Variants in ERC2 observed in about 807,000 individuals in gnomAD.
ERC2 encodes ELKS/RAB6-interacting/CAST family member 2.
A neutral mutation model predicts 114.8 loss-of-function variants in ERC2; 42 were observed. That is an observed-to-expected ratio of 0.37 (90% confidence interval 0.29 to 0.47). ERC2 has a LOEUF of 0.47. Ranked by LOEUF, ERC2 falls within the 20% of genes least tolerant of loss-of-function variation. The probability of loss-of-function intolerance (pLI) is 0.99; values close to 1 mark genes in which losing one functional copy is unlikely to be tolerated. For missense variants in ERC2, 939 were observed against 1,150.7 expected, an observed-to-expected ratio of 0.82 and a Z score of 2.66; for synonymous variants, 454 against 425.5, an observed-to-expected ratio of 1.07 and a Z score of -0.82.
intron 3 of ERC2, among the ~76,000 whole-genome samples, chr3:56,227,944 A>C (rs1165119004): frequency 1.3e-5 from 2 of 152,220 alleles, no homozygotes; most frequent in African/African-American, 4.8e-5. Context: ...CAATAATAAA[A>C]CATAAGTTAC....
chr3:55,814,362 A>T (rs772871272), intron 14 of ERC2, among the ~76,000 whole-genome samples: 1 of 152,242 alleles, frequency 6.6e-6, no homozygotes, highest in Non-Finnish European at 1.5e-5. Flanking sequence ...AACCAAGACG[A>T]GTCAAGTTTA....
intron 2 of ERC2, among the ~76,000 whole-genome samples, chr3:56,411,864 C>G (rs890115016): frequency 3.9e-5 from 6 of 152,146 alleles, no homozygotes; most frequent in African/African-American, 1.4e-4. Flanking sequence ...CTAGCTTAAT[C>G]CTTTCTTCTC....
At chr3:56,345,771 C>T (rs527524612) in intron 2 of ERC2, among the ~76,000 whole-genome samples, 1 of 152,186 alleles carries the variant, frequency 6.6e-6, no homozygotes, top group Non-Finnish European at 1.5e-5. Flanking sequence ...CTAATCCCCA[C>T]ATGCATGCCC....
intron 12 of ERC2, among the ~76,000 whole-genome samples, chr3:55,952,116 T>C (rs1032459805): frequency 2.0e-4 from 28 of 139,272 alleles, no homozygotes; most frequent in African/African-American, 4.8e-4. Context: ...CTGTGCAACA[T>C]AGCAAGGCCC....
At chr3:55,552,203 A>C (rs942428350) in intron 17 of ERC2, among the ~76,000 whole-genome samples, 2 of 152,162 alleles carry the variant, frequency 1.3e-5, no homozygotes, top group African/African-American at 4.8e-5. Context: ...CAATTTCCAC[A>C]GTCTTAGAAA....
At chr3:56,359,666 G>A (rs773192329) in intron 2 of ERC2, among the ~76,000 whole-genome samples, 18 of 152,174 alleles carry the variant, frequency 1.2e-4, no homozygotes, top group Admixed American at 4.6e-4. Flanking sequence ...AGGTTTATTC[G>A]ACTCATGGTT....
intron 6 of ERC2, among the ~76,000 whole-genome samples, chr3:56,120,080 T>G (rs1260071008): frequency 1.3e-5 from 2 of 152,186 alleles, no homozygotes; most frequent in Non-Finnish European, 2.9e-5. Context: ...GTCTTTTGTT[T>G]GGCCTGCACA....
chr3:56,204,247 C>T (rs1271484371), intron 3 of ERC2, among the ~76,000 whole-genome samples: 1 of 152,096 alleles, frequency 6.6e-6, no homozygotes, highest in Non-Finnish European at 1.5e-5. Context: ...GCTCTAAGTG[C>T]CATGAGGACA....
chr3:56,454,071 A>G lies in ERC2; in HGVS notation c.-141+14177T>C, dbSNP rs76385249. Among the ~76,000 whole-genome samples the G allele has an allele frequency of 3.0e-3, 459 of 152,316 alleles. 16 individuals carry two copies. In the East Asian group the frequency reaches 0.079, roughly 26 times the overall value. ...GCTGTGTGACTTACAGATTGCACCA[A>G]CTGATGACCCTGTCTTCACTTGAAC... On this transcript the variant is annotated intron_variant, in intron 1 of 17. Coordinates refer to ENST00000288221, the MANE Select transcript of ERC2 (RefSeq NM_015576.3).
At chr3:55,994,023 T>C (rs1010927662) in intron 10 of ERC2, among the ~76,000 whole-genome samples, 2 of 152,114 alleles carry the variant, frequency 1.3e-5, no homozygotes, top group African/African-American at 2.4e-5. Flanking sequence ...ATATGAATCA[T>C]TACTTTTGTT....
intron 2 of ERC2, among the ~76,000 whole-genome samples, chr3:56,405,743 G>T (rs1197862835): frequency 6.6e-6 from 1 of 151,994 alleles, no homozygotes; most frequent in Non-Finnish European, 1.5e-5. Context: ...TGATAATACA[G>T]ATCTCCTCCA....
In ERC2 at chr3:56,080,831, C is replaced by G. The variant is rs1367564423; in HGVS notation, c.1627G>C (p.Val543Leu). The change falls in exon 7 of 18, where the codon GTT (valine) becomes CTT (leucine). Residue 543 changes from valine to leucine, a missense_variant. Val to Leu is a conservative substitution (Grantham distance 32). This residue lies in a region of ERC2 where 149 missense variants were observed against 254.6 expected (regional missense o/e 0.59). Transcript: ENST00000288221. ...CAGCTACTCACCTTTTTCTGAAGAA[C>G]ATTGATTTTTCTTTCCTTCACTTCT... ...MLEVKERKIN[V>L]LQKKIENLQE... 6.2e-7 allele frequency: 1 copy of G among 1,613,210 alleles called. No homozygotes were observed. Among genetic ancestry groups the G allele is most frequent in the Non-Finnish European group, 8.5e-7 (1 of 1,179,610 alleles).
chr3:56,049,481 T>C (rs1416603901), intron 7 of ERC2, among the ~76,000 whole-genome samples: 1 of 152,214 alleles, frequency 6.6e-6, no homozygotes, highest in Non-Finnish European at 1.5e-5. Context: ...GTATTGATCC[T>C]AGGTGTTTCT....
intron 7 of ERC2, among the ~76,000 whole-genome samples, chr3:56,055,225 G>T (rs762899408): frequency 1.3e-5 from 2 of 152,210 alleles, no homozygotes; most frequent in Middle Eastern, 3.2e-3. Flanking sequence ...AACCTGGGTA[G>T]GCTGAAAGAA....
intron 2 of ERC2, among the ~76,000 whole-genome samples, chr3:56,320,454 A>T (rs1262803798): frequency 6.6e-6 from 1 of 152,198 alleles, no homozygotes; most frequent in Non-Finnish European, 1.5e-5. Context: ...GCATGCTTCT[A>T]CTAGCTTGTA....
chr3:55,649,555 T>A (rs1238911836), intron 17 of ERC2, among the ~76,000 whole-genome samples: 1 of 152,290 alleles, frequency 6.6e-6, no homozygotes, highest in East Asian at 1.9e-4. Flanking sequence ...CCACCGCACC[T>A]GGCCAATAAT....
At chr3:55,678,999 G>T (rs1220022630) in intron 17 of ERC2, among the ~76,000 whole-genome samples, 1 of 152,118 alleles carries the variant, frequency 6.6e-6, no homozygotes, top group African/African-American at 2.4e-5. Flanking sequence ...CTCTACTTCT[G>T]CTCTTCCTGC....
chr3:55,930,711 A>G (rs956440447), intron 13 of ERC2, among the ~76,000 whole-genome samples: 2 of 152,252 alleles, frequency 1.3e-5, no homozygotes, highest in Non-Finnish European at 2.9e-5. Context: ...CTTCATGACT[A>G]AAACACCAAA....
chr3:55,527,524 G>A (rs745979312), intron 17 of ERC2, among the ~76,000 whole-genome samples: 5 of 152,156 alleles, frequency 3.3e-5, no homozygotes, highest in Admixed American at 6.5e-5. Context: ...TCAACTGACC[G>A]TCATGACAAC....
Sources: gnomAD v4.1 joint callset for allele counts (sites outside exome capture counted in the v4.1 genomes callset) on GRCh38, gnomAD v4.1.1 for gene constraint, gnomAD v4.1.1 regional missense constraint, MANE v1.5 for transcripts, NCBI Gene and HGNC (gene_info 2026-07-23, HGNC 2026-07-21) for gene names.